TDO2: variants seen among roughly 807,000 people sequenced by gnomAD.
The protein encoded by TDO2 is tryptophan 2,3-dioxygenase, also known as tryptamin 2,3-dioxygenase.
TDO2 carries 63 observed loss-of-function variants against 61.2 expected under a neutral mutation model. The observed-to-expected ratio is 1.03, with a 90% CI of 0.84 to 1.27. The LOEUF (loss-of-function observed/expected upper bound fraction) is 1.27, where lower values mean the gene tolerates loss of function less well. Ranked by LOEUF, TDO2 falls within the 50% of genes most tolerant of loss-of-function variation. The pLI, the probability that TDO2 is intolerant of heterozygous loss-of-function variation, is 0.00. For missense variants in TDO2, 494 were observed against 469.5 expected (o/e 1.05, Z -0.48); for synonymous variants, 183 against 164.0 (o/e 1.12, Z -0.89).
At chr4:155,907,562 C>G in intron 3 of TDO2, 160 bp from the exon 4 acceptor site, 1 of 570,938 alleles carries the variant, frequency 1.8e-6, no homozygotes, top group Non-Finnish European at 3.1e-6. Flanking sequence ...AACTTTAACA[C>G]TAACATTTAT....
chr4:155,906,430 G>A (rs1232614329), intron 3 of TDO2: 1 of 152,136 alleles, frequency 6.6e-6, no homozygotes, highest in Non-Finnish European at 1.5e-5. Context: ...ATAACTTAGA[G>A]TTATAATTGG....
Position 155,904,101 on chromosome 4 carries a change from T to G in TDO2, c.119T>G (p.Leu40Arg), listed in dbSNP as rs751944478. Residue 40 changes from leucine to arginine, a missense_variant, in exon 2 of 12, where the codon CTT becomes CGT. Coordinates refer to ENST00000536354, the MANE Select transcript of TDO2 (RefSeq NM_005651.4). ...GTGAATAGAGCCAGCAAAGGAGGTC[T>G]TATCTATGGGAACTACCTGCATGTA... ...TGVNRASKGGLIYGNYLHLEK... is the reference protein window; with the variant it reads ...TGVNRASKGGRIYGNYLHLEK... 1 of 1,614,016 alleles carries G rather than the reference T, an allele frequency of 6.2e-7. No individual in the cohort carries two copies. Among genetic ancestry groups the G allele is most frequent in the Non-Finnish European group, 8.5e-7 (1 of 1,179,974 alleles).
In TDO2 at chr4:155,920,022, T is replaced by C. The variant is rs745574912; in HGVS notation, c.*32T>C. On this transcript the variant is annotated 3_prime_UTR_variant, in exon 12 of 12. Transcript: ENST00000536354. The stretch of plus-strand genomic sequence containing the variant: ...CTGCAAAATCTATGAAGAATACTGG[T>C]TTCACAGCCTATTTTTTATTTTCTA... 1.3e-6 allele frequency: 2 copies of C among 1,595,562 alleles called. No homozygotes were observed. Among genetic ancestry groups the C allele is most frequent in the African/African-American group, 1.4e-5 (1 of 74,008 alleles).
At chr4:155,904,217 GA>G (rs1198740802) in intron 2 of TDO2, 94 bp downstream of exon 2, 8 of 884,544 alleles carry the variant, frequency 9.0e-6, no homozygotes, top group Non-Finnish European at 1.4e-5. Context: ...TGGAATTAGG[GA>G]AAGTCACCAA....
chr4:155,906,948 G>A (rs1412771602), intron 3 of TDO2: 2 of 152,156 alleles, frequency 1.3e-5, no homozygotes, highest in East Asian at 3.8e-4. Context: ...TGTCATTACT[G>A]TATCACTTTT....
intron 6 of TDO2, 96 bp from the exon 7 acceptor site, chr4:155,911,401 C>A: frequency 5.4e-6 from 4 of 737,528 alleles, no homozygotes; most frequent in East Asian, 3.6e-5. Flanking sequence ...TTCTGGAAAC[C>A]ATGAAGATTT....
chr4:155,913,242 C>T (rs1742869854), intron 7 of TDO2, among the ~76,000 whole-genome samples: 1 of 152,004 alleles, frequency 6.6e-6, no homozygotes, highest in South Asian at 2.1e-4. Flanking sequence ...TTGATGTTAC[C>T]TCATTGTTTT....
In TDO2 at chr4:155,911,673, T is replaced by A. The variant is rs112470343; in HGVS notation, c.726+69T>A. ...TTCAAAATTTTATTTTAATTATTTT[T>A]TGCTTTTCTCTTAACCTTTTCTCTT... On this transcript the variant is annotated intron_variant, in intron 7 of 11. Transcript: ENST00000536354. 4.6e-4 allele frequency: 543 copies of A among 1,171,832 alleles called. 2 individuals carry two copies. In the African/African-American group the frequency reaches 7.7e-3, roughly 17 times the overall value. 72.6% of individuals were successfully genotyped at this position (1,171,832 alleles called of 1,614,324 possible).
At chr4:155,909,261 T>G (rs1742774905) in intron 5 of TDO2, among the ~76,000 whole-genome samples, 1 of 152,158 alleles carries the variant, frequency 6.6e-6, no homozygotes, top group Non-Finnish European at 1.5e-5. Context: ...GTTCTGTTTT[T>G]CTCCAAAAAG....
chr4:155,911,403 T>C, intron 6 of TDO2, 94 bp from the exon 7 acceptor site: 2 of 830,228 alleles, frequency 2.4e-6, no homozygotes, highest in Non-Finnish European at 3.7e-6. Context: ...CTGGAAACCA[T>C]GAAGATTTCT....
chr4:155,910,101 A>G lies in TDO2; in HGVS notation c.508A>G (p.Asn170Asp). 1.9e-6 allele frequency: 3 copies of G among 1,601,782 alleles called. No individual in the cohort carries two copies. Residue 170 changes from asparagine to aspartate, a missense_variant, in exon 6 of 12, where the codon AAC becomes GAC. Transcript: ENST00000536354. ...LLENKIGVLQNMRVPYNRRHY... is the reference protein window; with the variant it reads ...LLENKIGVLQDMRVPYNRRHY... ...AGAAAACAAGATAGGTGTTCTTCAG[A>G]ACATGAGAGTCCCTTATAACAGAAG...
intron 1 of TDO2, 75 bp from the exon 2 acceptor site, chr4:155,903,943 T>G: frequency 6.7e-7 from 1 of 1,501,160 alleles, no homozygotes; most frequent in Non-Finnish European, 9.2e-7. Context: ...CAATGAGAAT[T>G]TTAATCACCC....
chr4:155,919,811 A>G (rs1422533480), intron 11 of TDO2, 26 bp from the exon 12 acceptor site: 1 of 1,576,886 alleles, frequency 6.3e-7, no homozygotes, highest in Non-Finnish European at 8.6e-7. Context: ...AACCAATGTA[A>G]CACATCTTCA....
In TDO2 at chr4:155,915,841, T is replaced by A; in HGVS notation, c.839-14T>A. 1 of 1,598,904 alleles carries A rather than the reference T, an allele frequency of 6.3e-7. No individual in the cohort carries two copies. The highest frequency in any genetic ancestry group is 1.2e-5 in the South Asian group (1 of 86,530). On this transcript the variant is annotated splice_polypyrimidine_tract_variant and intron_variant, in intron 8 of 11. Coordinates refer to ENST00000536354, the MANE Select transcript of TDO2 (RefSeq NM_005651.4). The stretch of plus-strand genomic sequence containing the variant: ...AATGACCTAAAAAATTTAAATTTAG[T>A]ATGTATTTTGCAGGTGAAAGACGGC...
At chr4:155,905,769 A>G (rs1275347412) in intron 3 of TDO2, 1 of 152,168 alleles carries the variant, frequency 6.6e-6, no homozygotes, top group Non-Finnish European at 1.5e-5. Flanking sequence ...GTACCACTAT[A>G]CTGACCTCTT....
rs1742805088 is a variant in TDO2, at chr4:155,910,191, A to G, written c.598A>G (p.Thr200Ala). The G allele has an allele frequency of 6.3e-7, 1 of 1,582,154 alleles. No homozygotes were observed. Among genetic ancestry groups the G allele is most frequent in the Non-Finnish European group, 8.6e-7 (1 of 1,168,282 alleles). The change falls in exon 6 of 12, where the codon ACA becomes GCA. Residue 200 changes from threonine to alanine, a missense_variant. Thr to Ala is a moderately conservative substitution (Grantham distance 58, BLOSUM62 0). Coordinates refer to ENST00000536354, the MANE Select transcript of TDO2 (RefSeq NM_005651.4). Reference sequence around the variant, plus strand: ...GCTACTTAAATCTGAGCAGGAAAAGACACTTCTGGAATTAGTGGAGGTATG... The same window carrying G: ...GCTACTTAAATCTGAGCAGGAAAAGGCACTTCTGGAATTAGTGGAGGTATG... ...ELLLKSEQEK[T>A]LLELVEAWLE...
chr4:155,912,650 A>G (rs1459089741), intron 7 of TDO2, among the ~76,000 whole-genome samples: 1 of 149,570 alleles, frequency 6.7e-6, no homozygotes, highest in Non-Finnish European at 1.5e-5. Context: ...CCATTGGCTT[A>G]GATCCTTTCT....
chr4:155,914,476 G>A, intron 8 of TDO2, 42 bp downstream of exon 8: 2 of 1,362,406 alleles, frequency 1.5e-6, no homozygotes, highest in South Asian at 2.7e-5. Context: ...TGGAATGTGT[G>A]AATATGAGAT....
intron 8 of TDO2, among the ~76,000 whole-genome samples, chr4:155,914,792 T>C (rs1331985261): frequency 6.6e-6 from 1 of 152,158 alleles, no homozygotes; most frequent in Non-Finnish European, 1.5e-5. Flanking sequence ...AAGGAATAGC[T>C]ACCGTGAGAG....
Sources: gnomAD v4.1 joint callset for allele counts (sites outside exome capture counted in the v4.1 genomes callset) on GRCh38, gnomAD v4.1.1 for gene constraint, MANE v1.5 for transcripts, NCBI Gene and HGNC (gene_info 2026-07-23, HGNC 2026-07-21) for gene names.